The following BCL2 variants were observed in gnomAD, a reference collection of about 807,000 sequenced individuals.
BCL2 encodes the protein apoptosis regulator Bcl-2.
BCL2 carries 1 observed loss-of-function variant against 14.2 expected under a neutral mutation model. That is an observed-to-expected ratio of 0.07 (90% CI 0.02 to 0.33). BCL2 has a LOEUF of 0.33. Among genes scored for constraint, BCL2 ranks in the 10% least tolerant of loss-of-function variants. The pLI is 0.99. For synonymous variants in BCL2, 151 were observed against 137.2 expected, an observed-to-expected ratio of 1.10 and a Z score of -0.70; for missense variants, 247 against 305.9, an observed-to-expected ratio of 0.81 and a Z score of 1.44.
intron 2 of BCL2, among the ~76,000 whole-genome samples, chr18:63,204,059 T>C (rs1243581268): frequency 6.6e-6 from 1 of 152,206 alleles, no homozygotes; most frequent in Non-Finnish European, 1.5e-5. Context: ...ATAGGATAGA[T>C]AGATAATTGA....
chr18:63,265,331 C>T (rs1194174106), intron 2 of BCL2, among the ~76,000 whole-genome samples: 1 of 152,140 alleles, frequency 6.6e-6, no homozygotes, highest in East Asian at 1.9e-4. Flanking sequence ...TAATACAGGA[C>T]GATTTCCTAT....
At chr18:63,212,619 G>C (rs532400972) in intron 2 of BCL2, among the ~76,000 whole-genome samples, 10 of 152,058 alleles carry the variant, frequency 6.6e-5, no homozygotes, top group Admixed American at 6.6e-4. Context: ...GCTCACAACT[G>C]TAATCCCAGC....
At chr18:63,156,453 C>T (rs751429858) in intron 2 of BCL2, among the ~76,000 whole-genome samples, 24 of 152,126 alleles carry the variant, frequency 1.6e-4, no homozygotes, top group Admixed American at 1.0e-3. Context: ...TGTGAAAACC[C>T]GAAATGTCTC....
intron 2 of BCL2, among the ~76,000 whole-genome samples, chr18:63,239,159 T>G (rs1252323389): frequency 6.6e-6 from 1 of 152,190 alleles, no homozygotes; most frequent in Non-Finnish European, 1.5e-5. Flanking sequence ...CTGGTAAAAC[T>G]TCACAGGATT....
chr18:63,263,628 G>T (rs1911726973), intron 2 of BCL2, among the ~76,000 whole-genome samples: 1 of 152,228 alleles, frequency 6.6e-6, no homozygotes, highest in South Asian at 2.1e-4. Context: ...TCACATCATT[G>T]CATCATCACT....
intron 2 of BCL2, among the ~76,000 whole-genome samples, chr18:63,198,315 GAC>G (rs1486698757): frequency 9.4e-6 from 1 of 106,880 alleles, no homozygotes; most frequent in African/African-American, 3.6e-5. Context: ...GACACACACT[GAC>G]ACAGACACAG....
rs538320268 is a variant in BCL2, at chr18:63,219,329, G to A, written c.586-90570C>T. 7.2e-5 allele frequency among the ~76,000 whole-genome samples: 11 copies of A among 151,940 alleles called. No individual in the cohort carries two copies. The South Asian group carries it at 2.1e-3, about 29-fold the overall frequency. ...GTCAAAAGTGATTGTCCTTTCTCCT[G>A]AACTTTCTAAATTTTAGTGGCTTAT... On this transcript the variant is annotated intron_variant, in intron 2 of 2. Transcript: ENST00000333681.
At chr18:63,255,151 C>T (rs1911435398) in intron 2 of BCL2, among the ~76,000 whole-genome samples, 1 of 152,138 alleles carries the variant, frequency 6.6e-6, no homozygotes. Context: ...GGCTGAGGTC[C>T]AAAAGAGTTA....
intron 2 of BCL2, among the ~76,000 whole-genome samples, chr18:63,220,264 A>G (rs1910351686): frequency 6.6e-6 from 1 of 151,938 alleles, no homozygotes; most frequent in Non-Finnish European, 1.5e-5. Flanking sequence ...CTAGAACATA[A>G]GTTGACCGTC....
At chr18:63,214,361 G>A (rs1481268006) in intron 2 of BCL2, among the ~76,000 whole-genome samples, 1 of 152,218 alleles carries the variant, frequency 6.6e-6, no homozygotes, top group Non-Finnish European at 1.5e-5. Flanking sequence ...TGGCCTGGAA[G>A]GCCTAACCCT....
At chr18:63,138,600 G>A (rs1914272533) in intron 2 of BCL2, among the ~76,000 whole-genome samples, 1 of 152,260 alleles carries the variant, frequency 6.6e-6, no homozygotes, top group Admixed American at 6.5e-5. Flanking sequence ...CCTCCAGGCT[G>A]GCGAAGGCTG....
chr18:63,280,773 A>C (rs1283282609), intron 2 of BCL2, among the ~76,000 whole-genome samples: 1 of 152,190 alleles, frequency 6.6e-6, no homozygotes. Flanking sequence ...AAACAGTATG[A>C]TGGTTCCTCA....
intron 2 of BCL2, among the ~76,000 whole-genome samples, chr18:63,220,748 AC>A (rs1213451117): frequency 6.6e-6 from 1 of 151,800 alleles, no homozygotes; most frequent in South Asian, 2.1e-4. Context: ...AAGGTGAAAA[AC>A]CCTCTAAGAG....
chr18:63,185,138 A>G (rs1418905112), intron 2 of BCL2, among the ~76,000 whole-genome samples: 1 of 152,260 alleles, frequency 6.6e-6, no homozygotes, highest in Admixed American at 6.5e-5. Context: ...TTGGGAAGAC[A>G]TAACATATAC....
At chr18:63,199,881 G>C (rs906576448) in intron 2 of BCL2, among the ~76,000 whole-genome samples, 1 of 151,536 alleles carries the variant, frequency 6.6e-6, no homozygotes, top group Non-Finnish European at 1.5e-5. Flanking sequence ...CCACACATGG[G>C]GTAAATACGG....
At chr18:63,227,728 A>G (rs2144171571) in intron 2 of BCL2, among the ~76,000 whole-genome samples, 1 of 152,376 alleles carries the variant, frequency 6.6e-6, no homozygotes, top group East Asian at 1.9e-4. Context: ...ATAAATATAA[A>G]TGACTTTAAC....
At chr18:63,261,012 G>A (rs1215157642) in intron 2 of BCL2, among the ~76,000 whole-genome samples, 1 of 152,102 alleles carries the variant, frequency 6.6e-6, no homozygotes, top group Non-Finnish European at 1.5e-5. Flanking sequence ...TCCAGGGAAG[G>A]GCTCCATTCC....
intron 2 of BCL2, among the ~76,000 whole-genome samples, chr18:63,218,614 C>CT (rs1910274494): frequency 6.7e-6 from 1 of 148,972 alleles, no homozygotes; most frequent in African/African-American, 2.5e-5. Flanking sequence ...ATCCACTCAT[C>CT]CCCCTCCACT....
intron 2 of BCL2, among the ~76,000 whole-genome samples, chr18:63,223,560 A>AT (rs778018250): frequency 2.6e-5 from 4 of 152,162 alleles, no homozygotes; most frequent in Non-Finnish European, 5.9e-5. Context: ...GAATTGGGAG[A>AT]TGCCACACAT....
Sources: allele counts gnomAD v4.1 joint callset (sites outside exome capture counted in the v4.1 genomes callset), GRCh38; gene constraint gnomAD v4.1.1; transcripts MANE v1.5; gene names NCBI Gene and HGNC (gene_info 2026-07-23, HGNC 2026-07-21).